Variants in GCNT1 observed in about 807,000 individuals in gnomAD.
GCNT1 encodes the protein beta-1,3-galactosyl-O-glycosyl-glycoprotein beta-1,6-N-acetylglucosaminyltransferase.
A neutral mutation model predicts 26.2 loss-of-function variants in GCNT1; 16 were observed. The observed-to-expected ratio is 0.61, with a 90% CI of 0.41 to 0.93. The LOEUF (loss-of-function observed/expected upper bound fraction) is 0.93, where lower values mean the gene tolerates loss of function less well. Ranked by LOEUF, GCNT1 falls within the 40% of genes least tolerant of loss-of-function variation. The pLI is 0.00. For synonymous variants in GCNT1, 183 were observed against 190.8 expected, an observed-to-expected ratio of 0.96 and a Z score of 0.34; for missense variants, 477 against 526.7, an observed-to-expected ratio of 0.91 and a Z score of 0.92.
At chr9:76,411,263 G>C in the GCNT1 span, among the ~76,000 whole-genome samples, 3 of 151,930 alleles carry the variant, frequency 2.0e-5, no homozygotes, top group South Asian at 6.2e-4. Context: ...TTTATTCCTT[G>C]TTCCTGTTTT....
chr9:76,400,240 G>A, the GCNT1 span, among the ~76,000 whole-genome samples: 1 of 152,168 alleles, frequency 6.6e-6, no homozygotes, highest in Non-Finnish European at 1.5e-5. Flanking sequence ...AAAAAGTAGA[G>A]TCTATTAGTT....
chr9:76,456,658 G>C (rs1823762267), upstream of GCNT1, among the ~76,000 whole-genome samples: 1 of 152,148 alleles, frequency 6.6e-6, no homozygotes, highest in South Asian at 2.1e-4. Context: ...TAGATTTATG[G>C]GTGTATGTTA....
chr9:76,433,786 C>T (rs1414978489), intron 1 of GCNT1, among the ~76,000 whole-genome samples: 2 of 152,118 alleles, frequency 1.3e-5, no homozygotes, highest in Non-Finnish European at 2.9e-5. Context: ...TGTGTCAGTA[C>T]CAGATAGTAG....
In GCNT1 at chr9:76,502,369, A is replaced by T. The variant is rs770622923; in HGVS notation, c.-13A>T. 5 of 1,590,088 alleles carry T rather than the reference A, an allele frequency of 3.1e-6. No individual in the cohort carries two copies. Among genetic ancestry groups the T allele is most frequent in the Non-Finnish European group, 2.6e-6 (3 of 1,160,790 alleles). ...CTGCCCTTCACAAAGGAAATCCCTG[A>T]TTATTGTTTGAAATGCTGAGGACGT... On this transcript the variant is annotated 5_prime_UTR_variant, in exon 4 of 4. Transcript: ENST00000376730.
intron 1 of GCNT1, among the ~76,000 whole-genome samples, chr9:76,425,579 T>C (rs1367048393): frequency 6.6e-6 from 1 of 152,176 alleles, no homozygotes; most frequent in Non-Finnish European, 1.5e-5. Flanking sequence ...ACCAAGCTTA[T>C]GTAACAGCCC....
upstream of GCNT1, chr9:76,459,159 T>G (rs1823815526): frequency 6.6e-6 from 1 of 152,290 alleles, no homozygotes; most frequent in African/African-American, 2.4e-5. Context: ...GCGGGGCCTC[T>G]GGGGGCGGCC....
intron 2 of GCNT1, among the ~76,000 whole-genome samples, chr9:76,468,005 C>T (rs1824044275): frequency 1.4e-5 from 2 of 138,008 alleles, no homozygotes; most frequent in South Asian, 4.9e-4. Context: ...CTCCCAGGTT[C>T]AAGCAATTGT....
At chr9:76,425,214 A>C (rs1241095247) in intron 1 of GCNT1, among the ~76,000 whole-genome samples, 1 of 150,798 alleles carries the variant, frequency 6.6e-6, no homozygotes, top group Non-Finnish European at 1.5e-5. Flanking sequence ...AAAGCTAGTA[A>C]GGAATAGTAT....
the GCNT1 span, among the ~76,000 whole-genome samples, chr9:76,407,187 T>C: frequency 2.0e-5 from 3 of 152,176 alleles, no homozygotes; most frequent in South Asian, 4.1e-4. Context: ...GTCAGTGTTC[T>C]CTATTGCCAC....
chr9:76,458,425 G>A (rs1469107524), upstream of GCNT1, among the ~76,000 whole-genome samples: 4 of 151,836 alleles, frequency 2.6e-5, no homozygotes, highest in African/African-American at 9.7e-5. Flanking sequence ...CTGGTGATCC[G>A]CCCGCCTCGG....
chr9:76,457,808 A>C (rs951562117), upstream of GCNT1, among the ~76,000 whole-genome samples: 39 of 152,112 alleles, frequency 2.6e-4, no homozygotes, highest in African/African-American at 6.8e-4. Context: ...CTCATGAAAA[A>C]TTTCATGAGA....
chr9:76,397,798 C>T, the GCNT1 span, among the ~76,000 whole-genome samples: 4 of 152,186 alleles, frequency 2.6e-5, no homozygotes, highest in East Asian at 7.7e-4. Flanking sequence ...AAGAGTTGTA[C>T]TTCTAAGAAC....
intron 2 of GCNT1, among the ~76,000 whole-genome samples, chr9:76,467,498 A>C (rs1447729946): frequency 2.6e-5 from 4 of 152,144 alleles, no homozygotes; most frequent in Admixed American, 2.0e-4. Context: ...ACTTTTAAAA[A>C]AACCTGACAC....
At chr9:76,478,567 T>G (rs1201705362) in intron 2 of GCNT1, among the ~76,000 whole-genome samples, 1 of 152,188 alleles carries the variant, frequency 6.6e-6, no homozygotes. Flanking sequence ...AGGAATAAAT[T>G]TCAGACACAA....
At chr9:76,453,088 G>T (rs1323589957) in intron 1 of GCNT1, among the ~76,000 whole-genome samples, 1 of 152,176 alleles carries the variant, frequency 6.6e-6, no homozygotes, top group Non-Finnish European at 1.5e-5. Context: ...CTTAGGCTGT[G>T]AGTATGTAAC....
chr9:76,430,250 C>G lies in GCNT1; in HGVS notation n.38+10363C>G, dbSNP rs149562576. 3.3e-3 allele frequency among the ~76,000 whole-genome samples: 505 copies of G among 152,278 alleles called. 3 individuals are homozygous for G. Among genetic ancestry groups the G allele is most frequent in the South Asian group, 0.017 (82 of 4,828 alleles). On this transcript the variant is annotated intron_variant and non_coding_transcript_variant, in intron 1 of 3. Coordinates refer to the GCNT1 transcript ENST00000488136. ...CTATTTCCCTACATTCTTGACAACA[C>G]TTGGTATTACATGACTTTTAAATTT...
At chr9:76,396,419 C>T in the GCNT1 span, among the ~76,000 whole-genome samples, 3 of 140,482 alleles carry the variant, frequency 2.1e-5, no homozygotes, top group East Asian at 6.5e-4. Flanking sequence ...GGGAGACTTC[C>T]GTCTATCCAA....
At chr9:76,467,597 G>T (rs962629112) in intron 2 of GCNT1, among the ~76,000 whole-genome samples, 1 of 152,132 alleles carries the variant, frequency 6.6e-6, no homozygotes, top group Non-Finnish European at 1.5e-5. Context: ...TGGTTGCAGT[G>T]TACAAACCAG....
intron 2 of GCNT1, among the ~76,000 whole-genome samples, chr9:76,464,043 T>TG (rs1823941762): frequency 1.3e-5 from 2 of 151,376 alleles, no homozygotes; most frequent in South Asian, 4.2e-4. Flanking sequence ...TTTTTGTTTT[T>TG]TTTTTTTTTT....
Sources: allele counts gnomAD v4.1 joint callset (sites outside exome capture counted in the v4.1 genomes callset), GRCh38; gene constraint gnomAD v4.1.1; transcripts MANE v1.5; gene names NCBI Gene and HGNC (gene_info 2026-07-23, HGNC 2026-07-21).